The following XIRP2 variants were observed in gnomAD, a reference collection of about 807,000 sequenced individuals.
The protein encoded by XIRP2 is xin actin binding repeat containing 2, also known as xin actin-binding repeat-containing protein 2.
XIRP2 carries 236 observed loss-of-function variants against 277.0 expected under a neutral mutation model. The observed-to-expected ratio is 0.85, with a 90% CI of 0.77 to 0.95. XIRP2 has a LOEUF of 0.95. Ranked by LOEUF, XIRP2 falls within the 40% of genes least tolerant of loss-of-function variation. XIRP2 has a pLI of 0.00. For missense variants in XIRP2, 4,640 were observed against 4,157.5 expected (o/e 1.12, Z -3.19); for synonymous variants, 1,490 against 1,416.5 (o/e 1.05, Z -1.17).
chr2:167,116,397 T>A (rs1690897073), intron 2 of XIRP2, among the ~76,000 whole-genome samples: 1 of 152,204 alleles, frequency 6.6e-6, no homozygotes, highest in African/African-American at 2.4e-5. Flanking sequence ...TGTTCCTTTC[T>A]GTCTCTGGTA....
chr2:167,184,434 G>A (rs754949318), intron 3 of XIRP2: 5 of 627,486 alleles, frequency 8.0e-6, no homozygotes, highest in Non-Finnish European at 1.2e-5. Flanking sequence ...TGGAATTTAG[G>A]AAACATCTTA....
intron 1 of XIRP2, among the ~76,000 whole-genome samples, chr2:166,899,405 A>G (rs946688679): frequency 6.6e-6 from 1 of 152,130 alleles, no homozygotes; most frequent in Admixed American, 6.6e-5. Context: ...AGAAAATACA[A>G]AAGGAGAAAA....
rs149769877 is a variant in XIRP2, at chr2:167,097,372, C to CT, written c.409-38529dup. On this transcript the variant is annotated intron_variant, in intron 2 of 10. Transcript: ENST00000409195. The stretch of plus-strand genomic sequence containing the variant: ...TCAGAGACTAGGATTGCAACCCCTG[C>CT]TTTTTTTTGTTTTGTTTTGTTTTTC... Among the ~76,000 whole-genome samples the CT allele has an allele frequency of 5.7e-4, 86 of 151,728 alleles. 1 individual carries two copies. The highest frequency in any genetic ancestry group is 7.7e-4 in the Non-Finnish European group (52 of 67,900).
At chr2:167,102,003 A>G (rs1035810003) in intron 2 of XIRP2, among the ~76,000 whole-genome samples, 2 of 152,198 alleles carry the variant, frequency 1.3e-5, no homozygotes, top group African/African-American at 4.8e-5. Context: ...GGTGGTGTCA[A>G]CATTCCTGAA....
intron 2 of XIRP2, among the ~76,000 whole-genome samples, chr2:167,111,063 G>A (rs1690738243): frequency 6.6e-6 from 1 of 152,124 alleles, no homozygotes; most frequent in Non-Finnish European, 1.5e-5. Context: ...ATCAGATCAA[G>A]GAGCTTTTGG....
In XIRP2 at chr2:167,005,058, A is replaced by G. The variant is rs16852845; in HGVS notation, c.408+101168A>G. 2.6e-5 allele frequency among the ~76,000 whole-genome samples: 4 copies of G among 152,034 alleles called. No homozygotes were observed. In the South Asian group the frequency reaches 6.2e-4, roughly 24 times the overall value. On this transcript the variant is annotated intron_variant, in intron 2 of 10. Transcript: ENST00000409195. ...GCAAGAAATAATAAATTCAAAAAAGAAAGTAACTAATATAATGTAAAATAA... is the reference window on the plus strand; with the variant it reads ...GCAAGAAATAATAAATTCAAAAAAGGAAGTAACTAATATAATGTAAAATAA...
intron 3 of XIRP2, among the ~76,000 whole-genome samples, chr2:167,201,356 G>A (rs1394040756): frequency 2.6e-5 from 4 of 151,332 alleles, no homozygotes; most frequent in African/African-American, 9.7e-5. Flanking sequence ...AAGGAAGGAA[G>A]GAAGGAAGGG....
chr2:166,977,243 A>G (rs1558935992), intron 2 of XIRP2, among the ~76,000 whole-genome samples: 1 of 152,184 alleles, frequency 6.6e-6, no homozygotes, highest in East Asian at 1.9e-4. Context: ...TGAGCTTGAA[A>G]TAAAGTTTCT....
chr2:167,071,195 T>C (rs1689428949), intron 2 of XIRP2, among the ~76,000 whole-genome samples: 1 of 152,160 alleles, frequency 6.6e-6, no homozygotes, highest in African/African-American at 2.4e-5. Flanking sequence ...ACTGAAATAA[T>C]ATAGTGTGAA....
At chr2:166,953,300 G>A (rs2105398369) in intron 2 of XIRP2, among the ~76,000 whole-genome samples, 1 of 152,000 alleles carries the variant, frequency 6.6e-6, no homozygotes, top group East Asian at 2.0e-4. Flanking sequence ...GGAGGGACCT[G>A]GTGAAAGGTA....
intron 2 of XIRP2, among the ~76,000 whole-genome samples, chr2:166,999,304 A>G (rs953250352): frequency 6.6e-5 from 10 of 152,106 alleles, no homozygotes; most frequent in African/African-American, 2.2e-4. Context: ...GAGTAAAACA[A>G]CTAGTAGATG....
chr2:167,201,257 A>C (rs1303691175), intron 3 of XIRP2, among the ~76,000 whole-genome samples: 1 of 96,364 alleles, frequency 1.0e-5, no homozygotes, highest in Non-Finnish European at 1.9e-5. Context: ...AAAGAAAGAA[A>C]GAAAGAGAGA....
chr2:167,007,199 C>A (rs927751414), intron 2 of XIRP2, among the ~76,000 whole-genome samples: 8 of 151,488 alleles, frequency 5.3e-5, no homozygotes, highest in Non-Finnish European at 8.9e-5. Flanking sequence ...ATCTGAAAAC[C>A]ACACTTGAGC....
intron 2 of XIRP2, among the ~76,000 whole-genome samples, chr2:166,912,568 T>A (rs1409621280): frequency 1.3e-5 from 2 of 152,244 alleles, no homozygotes; most frequent in African/African-American, 2.4e-5. Context: ...CTCCTCTAGC[T>A]TGGAGAAGTT....
intron 1 of XIRP2, among the ~76,000 whole-genome samples, chr2:166,892,179 G>T (rs539065260): frequency 3.9e-4 from 59 of 152,144 alleles, no homozygotes; most frequent in Non-Finnish European, 6.5e-4. Context: ...ATTCCATTCT[G>T]ATGTTTTTTA....
chr2:167,249,617 C>G lies in XIRP2; in HGVS notation c.8225C>G (p.Thr2742Ser). ...HKQQSEIDVQ[T>S]FTKKQYLKTK... ...CAGCAATCTGAGATTGATGTTCAAA[C>G]CTTTACCAAAAAACAATATCTGAAA... is the stretch of plus-strand genomic sequence containing the variant. The change falls in exon 9 of 11, where the codon ACC becomes AGC. Residue 2742 changes from threonine to serine, a missense_variant. Thr to Ser is a moderately conservative substitution (Grantham distance 58). Transcript: ENST00000409195. The G allele has an allele frequency of 6.2e-7, 1 of 1,613,550 alleles. No individual in the cohort carries two copies. The highest frequency in any genetic ancestry group is 2.2e-5 in the East Asian group (1 of 44,828).
At chr2:167,215,661 G>A (rs1335890311) in intron 4 of XIRP2, among the ~76,000 whole-genome samples, 1 of 152,104 alleles carries the variant, frequency 6.6e-6, no homozygotes, top group African/African-American at 2.4e-5. Flanking sequence ...GTCAGGACTG[G>A]GTCAGACCTC....
intron 3 of XIRP2, among the ~76,000 whole-genome samples, chr2:167,165,277 T>G (rs1350993599): frequency 6.6e-6 from 1 of 152,246 alleles, no homozygotes; most frequent in Admixed American, 6.5e-5. Flanking sequence ...TTTCAAGTTT[T>G]GGCAATCATA....
intron 2 of XIRP2, among the ~76,000 whole-genome samples, chr2:167,112,069 C>T (rs148770164): frequency 2.0e-5 from 3 of 152,178 alleles, no homozygotes; most frequent in Non-Finnish European, 1.5e-5. Flanking sequence ...CTTTACTAAT[C>T]TAACTAGTGT....
Sources: allele counts gnomAD v4.1 joint callset (sites outside exome capture counted in the v4.1 genomes callset), GRCh38; gene constraint gnomAD v4.1.1; transcripts MANE v1.5; gene names NCBI Gene and HGNC (gene_info 2026-07-23, HGNC 2026-07-21).